Variants in CEACAM5 observed in about 807,000 individuals in gnomAD.
The protein encoded by CEACAM5 is cell adhesion molecule CEACAM5.
A neutral mutation model predicts 63.0 loss-of-function variants in CEACAM5; 52 were observed. The observed-to-expected ratio is 0.83, with a 90% CI of 0.66 to 1.04. The LOEUF (loss-of-function observed/expected upper bound fraction) is 1.04. Ranked by LOEUF, CEACAM5 falls within the 50% of genes least tolerant of loss-of-function variation. CEACAM5 has a pLI of 0.00. For synonymous variants in CEACAM5, 357 were observed against 351.3 expected, an observed-to-expected ratio of 1.02 and a Z score of -0.18; for missense variants, 790 against 864.8, an observed-to-expected ratio of 0.91 and a Z score of 1.08.
intron 6 of CEACAM5, 92 bp from the exon 7 acceptor site, chr19:41,719,838 T>G: frequency 6.3e-7 from 1 of 1,579,014 alleles, no homozygotes; most frequent in Non-Finnish European, 8.6e-7. Context: ...TCGGGTGGGC[T>G]GAAGGGTGGG....
rs2072595501 is a variant in CEACAM5 at position 41,720,107 on chromosome 19, C to A, written c.1670C>A (p.Thr557Asn). 6.2e-7 allele frequency: 1 copy of A among 1,614,118 alleles called. No individual in the cohort carries two copies. Among genetic ancestry groups the A allele is most frequent in the South Asian group, 1.1e-5 (1 of 91,094 alleles). ...CTGTCCAATGGCAACAGGACCCTCA[C>A]TCTATTCAATGTCACAAGAAATGAC... ...LQLSNGNRTLTLFNVTRNDAR... is the reference protein window; with the variant it reads ...LQLSNGNRTLNLFNVTRNDAR... The change falls in exon 7 of 10, where the codon ACT becomes AAT. Residue 557 changes from threonine to asparagine, a missense_variant. By Grantham distance (65) the Thr-to-Asn change is moderately conservative. Transcript: ENST00000221992.
intron 2 of CEACAM5, among the ~76,000 whole-genome samples, chr19:41,711,467 A>G (rs1255750614): frequency 1.3e-5 from 2 of 152,102 alleles, no homozygotes; most frequent in African/African-American, 2.4e-5. Context: ...TAGAGACTGG[A>G]TCCTGGATGC....
intron 8 of CEACAM5, among the ~76,000 whole-genome samples, chr19:41,722,728 C>G (rs1194422310): frequency 6.6e-6 from 1 of 152,192 alleles, no homozygotes; most frequent in Non-Finnish European, 1.5e-5. Flanking sequence ...ATTTTTCTAT[C>G]CACTTATCTT....
Position 41,727,227 on chromosome 19 carries a change from G to T in CEACAM5, c.2027-7G>T. On this transcript the variant is annotated splice_region_variant and splice_polypyrimidine_tract_variant and intron_variant, in intron 8 of 9. Transcript: ENST00000221992. ...CTTCTCTTTTCTTTCCATGACGGAC[G>T]ATTCAGCATCTGGAACTTCTCCTGG... is the stretch of plus-strand genomic sequence containing the variant. The T allele has an allele frequency of 1.2e-6, 2 of 1,608,628 alleles. No homozygotes were observed. The highest frequency in any genetic ancestry group is 2.2e-5 in the East Asian group (1 of 44,870).
At chr19:41,711,208 C>T (rs993035438) in intron 2 of CEACAM5, among the ~76,000 whole-genome samples, 6 of 152,150 alleles carry the variant, frequency 3.9e-5, no homozygotes, top group Admixed American at 3.3e-4. Context: ...AACTAGATCA[C>T]CTCAACAGTC....
intron 8 of CEACAM5, among the ~76,000 whole-genome samples, chr19:41,722,891 TTTTGTTTGTTTG>T (rs372037041): frequency 8.0e-4 from 121 of 151,838 alleles, no homozygotes; most frequent in Non-Finnish European, 1.2e-3. Flanking sequence ...TAATTCTTTT[TTTTGTTTGTTTG>T]TTTGTTTGTT....
rs1252248154 is a variant in CEACAM5 at position 41,710,436 on chromosome 19, A to G, written c.424+397A>G. ...CAGGGCTCCTGGTTCCAGGTGACTC[A>G]GGGGAGCCTGTGCCAGGGCTGTGTT... On this transcript the variant is annotated intron_variant, in intron 2 of 9. Transcript: ENST00000221992. Among the ~76,000 whole-genome samples the G allele has an allele frequency of 2.0e-5, 3 of 152,250 alleles. No homozygotes were observed. In the East Asian group the frequency reaches 5.8e-4, roughly 29 times the overall value.
At chr19:41,711,666 G>A (rs546209376) in intron 2 of CEACAM5, among the ~76,000 whole-genome samples, 4 of 152,248 alleles carry the variant, frequency 2.6e-5, no homozygotes, top group South Asian at 2.1e-4. Context: ...TAGTCCTGGG[G>A]TCTCCGAGGT....
At position 41,711,856 on chromosome 19, in the gene CEACAM5, G is replaced by A. The variant is rs559054106; in HGVS notation, c.424+1817G>A. 2.6e-5 allele frequency among the ~76,000 whole-genome samples: 4 copies of A among 152,108 alleles called. No individual in the cohort carries two copies. In the South Asian group the frequency reaches 6.2e-4, roughly 24 times the overall value. On this transcript the variant is annotated intron_variant, in intron 2 of 9. Coordinates refer to ENST00000221992, the MANE Select transcript of CEACAM5 (RefSeq NM_004363.6). ...AGGCTGGCTGTCCTGTTTTCTTGCC[G>A]CTCACACTGTGTCCTGGCCCACTTC...
At chr19:41,715,359 G>T (rs781939717) in intron 3 of CEACAM5, 110 bp downstream of exon 3, 4 of 1,474,236 alleles carry the variant, frequency 2.7e-6, no homozygotes, top group Non-Finnish European at 3.8e-6. Context: ...CTCAACCCTG[G>T]ACATCCAGAC....
Sources: allele counts gnomAD v4.1 joint callset (sites outside exome capture counted in the v4.1 genomes callset), GRCh38; gene constraint gnomAD v4.1.1; transcripts MANE v1.5; gene names NCBI Gene and HGNC (gene_info 2026-07-23, HGNC 2026-07-21).